Variants in TMLHE observed in about 807,000 individuals in gnomAD.
TMLHE encodes the protein trimethyllysine hydroxylase, epsilon.
A neutral mutation model predicts 25.7 loss-of-function variants in TMLHE; 18 were observed. The observed-to-expected ratio is 0.70, with a 90% CI of 0.48 to 1.04. TMLHE has a LOEUF of 1.04. Ranked by LOEUF, TMLHE falls within the 50% of genes least tolerant of loss-of-function variation. TMLHE has a pLI of 0.00. For synonymous variants in TMLHE, 105 were observed against 97.0 expected (o/e 1.08, Z -0.49); for missense variants, 236 against 259.0 (o/e 0.91, Z 0.61).
intron 1 of TMLHE, among the ~76,000 whole-genome samples, chrX:155,547,990 C>G (rs980818018): frequency 4.5e-5 from 5 of 111,496 alleles, no homozygotes; most frequent in East Asian, 2.8e-4. Context: ...TCTCACTACT[C>G]AAATGTTACC....
intron 1 of TMLHE, among the ~76,000 whole-genome samples, chrX:155,595,438 T>C (rs1309354482): frequency 8.9e-6 from 1 of 112,091 alleles, no homozygotes; most frequent in Non-Finnish European, 1.9e-5. Flanking sequence ...CATCATGGGA[T>C]CCATACAAAG....
chrX:155,590,694 T>C (rs781831565), intron 1 of TMLHE, among the ~76,000 whole-genome samples: 2 of 111,117 alleles, frequency 1.8e-5, no homozygotes, highest in Admixed American at 9.6e-5. Flanking sequence ...ATTAAAAATA[T>C]ACATGTATAT....
chrX:155,523,753 A>G (rs2067202591), intron 3 of TMLHE, among the ~76,000 whole-genome samples: 1 of 112,286 alleles, frequency 8.9e-6, no homozygotes, highest in South Asian at 3.6e-4. Context: ...GAAAACTGAC[A>G]TCATTACTAT....
intron 1 of TMLHE, among the ~76,000 whole-genome samples, chrX:155,547,252 C>G (rs1165547852): frequency 3.3e-5 from 3 of 91,021 alleles, no homozygotes; most frequent in Admixed American, 1.2e-4. Context: ...TCACGCCATT[C>G]TCCTGCCTCA....
At position 155,540,405 on chromosome X, in the gene TMLHE, CA is replaced by C. The variant is rs782772866; in HGVS notation, c.181+4690del. Among the ~76,000 whole-genome samples the C allele has an allele frequency of 2.7e-4, 30 of 110,263 alleles. No homozygotes were observed. The East Asian group carries it at 7.5e-3, about 27-fold the overall frequency. On this transcript the variant is annotated intron_variant, in intron 2 of 7. Transcript: ENST00000334398. ...AATAATATATTCAATTACTGAAGAA[CA>C]AAACCTGCCCACCAAGAACATTATA...
At chrX:155,593,551 T>A (rs2067704097) in intron 1 of TMLHE, among the ~76,000 whole-genome samples, 1 of 111,701 alleles carries the variant, frequency 9.0e-6, no homozygotes, top group African/African-American at 3.3e-5. Flanking sequence ...AATCATTACA[T>A]CTCCAAAAGA....
At chrX:155,602,189 A>G (rs1415265964) in intron 1 of TMLHE, among the ~76,000 whole-genome samples, 2 of 111,802 alleles carry the variant, frequency 1.8e-5, no homozygotes, top group African/African-American at 6.5e-5. Flanking sequence ...AGGATTATAT[A>G]TCATGACAAA....
intron 1 of TMLHE, among the ~76,000 whole-genome samples, chrX:155,548,606 A>ATGGG (rs2067383143): frequency 9.2e-6 from 1 of 108,373 alleles, no homozygotes; most frequent in African/African-American, 3.4e-5. Flanking sequence ...GTGGTGGCAC[A>ATGGG]CACCTGTATT....
chrX:155,596,561 T>C (rs1410572946), intron 1 of TMLHE, among the ~76,000 whole-genome samples: 1 of 111,700 alleles, frequency 9.0e-6, no homozygotes, highest in African/African-American at 3.3e-5. Context: ...TCTGGAAGGA[T>C]TACAACATTA....
intron 1 of TMLHE, among the ~76,000 whole-genome samples, chrX:155,594,918 TTCAAC>T (rs2067712897): frequency 9.0e-6 from 1 of 111,507 alleles, no homozygotes; most frequent in Admixed American, 9.5e-5. Context: ...ACAGAATTTT[TTCAAC>T]ATATTTGAAA....
At chrX:155,551,303 G>A (rs953413177) in intron 1 of TMLHE, among the ~76,000 whole-genome samples, 6 of 108,340 alleles carry the variant, frequency 5.5e-5, no homozygotes, top group South Asian at 8.1e-4. Flanking sequence ...TTGGTGTGTC[G>A]CACCCATTAA....
chrX:155,523,276 C>A (rs142084211), intron 3 of TMLHE, among the ~76,000 whole-genome samples: 1 of 111,058 alleles, frequency 9.0e-6, no homozygotes, highest in Non-Finnish European at 1.9e-5. Flanking sequence ...CTCATATGTT[C>A]TTTTCTTGAA....
At chrX:155,608,370 A>C (rs76771892) in intron 1 of TMLHE, among the ~76,000 whole-genome samples, 1 of 6,464 alleles carries the variant, frequency 1.5e-4, no homozygotes, top group African/African-American at 1.9e-4. Context: ...AGAAACCAGA[A>C]GGCGTCTGCC....
At position 155,572,283 on chromosome X, in the gene TMLHE, G is replaced by C. The variant is rs1167232909; in HGVS notation, c.-1-27006C>G. On this transcript the variant is annotated intron_variant, in intron 1 of 7. Transcript: ENST00000334398. ...CCTAGGAATCCAACTTACAAGGGAC[G>C]TGAAGGACCTCTTCAAGGAGAACTA... Among the ~76,000 whole-genome samples the C allele has an allele frequency of 4.6e-4, 26 of 56,192 alleles. 7 individuals are homozygous for C. The highest frequency in any genetic ancestry group is 2.0e-3 in the South Asian group (2 of 992). The allele number at this position is 56,192 out of a possible 115,157, so 48.8% of individuals were successfully genotyped here. A position where few individuals can be genotyped will look rare whatever the true frequency, so the allele number is the denominator to read the frequency against.
chrX:155,528,290 A>G (rs2067230668), intron 2 of TMLHE, among the ~76,000 whole-genome samples: 1 of 100,758 alleles, frequency 9.9e-6, no homozygotes, highest in Non-Finnish European at 2.0e-5. Flanking sequence ...CTCAGTATTT[A>G]TTTTTTTCTC....
chrX:155,515,599 C>A lies in TMLHE; in HGVS notation c.359-1334G>T, dbSNP rs2067147206. On this transcript the variant is annotated intron_variant, in intron 3 of 7. Coordinates refer to ENST00000334398, the MANE Select transcript of TMLHE (RefSeq NM_018196.4). Reference sequence around the variant, plus strand: ...GTCTACTTATCTTCATTCCCTCCAACAGTACATATGTGTCCATCAAAATGG... The same window carrying A: ...GTCTACTTATCTTCATTCCCTCCAAAAGTACATATGTGTCCATCAAAATGG... 6.3e-5 allele frequency among the ~76,000 whole-genome samples: 7 copies of A among 111,777 alleles called. No homozygotes were observed. The South Asian group carries it at 2.6e-3, about 42-fold the overall frequency.
chrX:155,578,890 A>C (rs942977842), intron 1 of TMLHE, among the ~76,000 whole-genome samples: 2 of 112,042 alleles, frequency 1.8e-5, no homozygotes, highest in African/African-American at 6.5e-5. Context: ...TTTCTCCAAA[A>C]AACTTGTAGA....
At position 155,567,773 on chromosome X, in the gene TMLHE, C is replaced by A. The variant is rs1471553286; in HGVS notation, c.-1-22496G>T. On this transcript the variant is annotated intron_variant, in intron 1 of 7. Coordinates refer to ENST00000334398, the MANE Select transcript of TMLHE (RefSeq NM_018196.4). ...AAATGTACAGTGGAAGACCGAAGAACTGAAAGCTCCACTGATGGAGGGTGC... is the reference window on the plus strand; with the variant it reads ...AAATGTACAGTGGAAGACCGAAGAAATGAAAGCTCCACTGATGGAGGGTGC... Among the ~76,000 whole-genome samples, 18 of 61,967 alleles carry A rather than the reference C, an allele frequency of 2.9e-4. 1 individual carries two copies. Among genetic ancestry groups the A allele is most frequent in the African/African-American group, 6.5e-4 (18 of 27,858 alleles). The allele number at this position is 61,967 out of a possible 115,157, so 53.8% of individuals were successfully genotyped here. A position where few individuals can be genotyped will look rare whatever the true frequency, so the allele number is the denominator to read the frequency against.
intron 1 of TMLHE, among the ~76,000 whole-genome samples, chrX:155,589,041 A>G (rs1861353189): frequency 8.9e-6 from 1 of 112,565 alleles, no homozygotes; most frequent in African/African-American, 3.2e-5. Flanking sequence ...TTACATGTTT[A>G]TAACAGCACT....
Sources: gnomAD v4.1 joint callset for allele counts (sites outside exome capture counted in the v4.1 genomes callset) on GRCh38, gnomAD v4.1.1 for gene constraint, MANE v1.5 for transcripts, NCBI Gene and HGNC (gene_info 2026-07-23, HGNC 2026-07-21) for gene names.